Variants in MORN4 observed in about 807,000 individuals in gnomAD.
MORN4 encodes the protein MORN repeat-containing protein 4.
A neutral mutation model predicts 16.4 loss-of-function variants in MORN4; 8 were observed. That is an observed-to-expected ratio of 0.49 (90% CI 0.29 to 0.88). The LOEUF (loss-of-function observed/expected upper bound fraction) is 0.88, where lower values mean the gene tolerates loss of function less well. MORN4 is among the 40% of genes least tolerant of loss of function. The pLI is 0.09. For missense variants in MORN4, 159 were observed against 182.9 expected (o/e 0.87, Z 0.75); for synonymous variants, 53 against 68.9 (o/e 0.77, Z 1.14).
chr10:97,630,173 T>A (rs966575716), intron 1 of MORN4, among the ~76,000 whole-genome samples: 1 of 152,074 alleles, frequency 6.6e-6, no homozygotes, highest in Non-Finnish European at 1.5e-5. Flanking sequence ...GTGATCCGCC[T>A]GCCTCAGCCT....
At position 97,615,664 on chromosome 10, in the gene MORN4, G is replaced by C. The variant is rs960441507; in HGVS notation, c.*599C>G. 6.6e-6 allele frequency: 1 copy of C among 152,054 alleles called. No homozygotes were observed. Among genetic ancestry groups the C allele is most frequent in the South Asian group, 2.1e-4 (1 of 4,828 alleles). 9.4% of individuals were successfully genotyped at this position (152,054 alleles called of 1,614,324 possible). A position where few individuals can be genotyped will look rare whatever the true frequency, so the allele number is the denominator to read the frequency against. The stretch of plus-strand genomic sequence containing the variant: ...TGCTTGAACCTGGGAGGCAGAAGTT[G>C]CAGTGAGCTGAGATCATGCCACTGC... On this transcript the variant is annotated 3_prime_UTR_variant, in exon 5 of 5. Transcript: ENST00000307450.
At chr10:97,618,057 T>C (rs2041253300) in intron 2 of MORN4, among the ~76,000 whole-genome samples, 1 of 148,828 alleles carries the variant, frequency 6.7e-6, no homozygotes, top group Non-Finnish European at 1.5e-5. Context: ...CGCGCTCCTG[T>C]AACCCAGCTA....
chr10:97,634,057 G>A (rs1357311304), upstream of MORN4, among the ~76,000 whole-genome samples: 3 of 152,148 alleles, frequency 2.0e-5, no homozygotes, highest in Non-Finnish European at 2.9e-5. Context: ...GGGAGGCCGC[G>A]GCTTGAGCTC....
intron 1 of MORN4, among the ~76,000 whole-genome samples, chr10:97,630,837 G>A (rs1004536738): frequency 1.3e-5 from 2 of 152,078 alleles, no homozygotes; most frequent in African/African-American, 2.4e-5. Flanking sequence ...AGTCAGTGCC[G>A]ATGAAGACTG....
rs2041224610 is a variant in MORN4 at position 97,615,049 on chromosome 10, T to A, written c.*1214A>T. 1.3e-5 allele frequency: 2 copies of A among 152,126 alleles called. No homozygotes were observed. Among genetic ancestry groups the A allele is most frequent in the African/African-American group, 4.8e-5 (2 of 41,360 alleles). The allele number at this position is 152,126 out of a possible 1,614,324, so 9.4% of individuals were successfully genotyped here. A position where few individuals can be genotyped will look rare whatever the true frequency, so the allele number is the denominator to read the frequency against. ...TAATAAGATTACTGTTTACATGAGT[T>A]TTTTTCTTGATTGTCCCAAAAAGGG... On this transcript the variant is annotated 3_prime_UTR_variant, in exon 5 of 5. Coordinates refer to ENST00000307450, the MANE Select transcript of MORN4 (RefSeq NM_178832.4).
chr10:97,625,819 G>A (rs2041340948), intron 1 of MORN4, among the ~76,000 whole-genome samples: 1 of 152,158 alleles, frequency 6.6e-6, no homozygotes, highest in Non-Finnish European at 1.5e-5. Context: ...CCATGCTGGT[G>A]TGCAATCGCT....
intron 1 of MORN4, among the ~76,000 whole-genome samples, chr10:97,623,660 CT>C (rs1378921633): frequency 6.6e-6 from 1 of 152,114 alleles, no homozygotes; most frequent in African/African-American, 2.4e-5. Context: ...CTCCAATCCC[CT>C]CTTAGACTTC....
chr10:97,629,907 C>T lies in MORN4; in HGVS notation c.-31+3440G>A, dbSNP rs541071353. Among the ~76,000 whole-genome samples, 215 of 151,178 alleles carry T rather than the reference C, an allele frequency of 1.4e-3. 1 individual carries two copies. Among genetic ancestry groups the T allele is most frequent in the South Asian group, 5.2e-3 (25 of 4,764 alleles). ...CTGAGTAGCTGGGACTACAGGTGCT[C>T]GCCACCACGCCCAGCTAATTTTTTT... On this transcript the variant is annotated intron_variant, in intron 1 of 4. Coordinates refer to ENST00000307450, the MANE Select transcript of MORN4 (RefSeq NM_178832.4).
intron 2 of MORN4, among the ~76,000 whole-genome samples, chr10:97,618,258 C>CTTTTTTTTTTTT (rs1192502394): frequency 3.2e-5 from 3 of 92,828 alleles, no homozygotes; most frequent in Admixed American, 1.4e-4. Flanking sequence ...AGCCTCTCTT[C>CTTTTTTTTTTTT]TTTTTTTTTT....
At chr10:97,633,843 CCAGCTTCAGAGAGG>C, upstream of MORN4, among the ~76,000 whole-genome samples, 1 of 152,374 alleles carries the variant, frequency 6.6e-6, no homozygotes, top group East Asian at 1.9e-4. The surrounding 1 kb of genome is among the most constrained non-coding windows in gnomAD (Gnocchi z 4.5). Flanking sequence ...GATCCTAAAT[CCAGCTTCAGAGAGG>C]CAGCTTTGTA....
chr10:97,623,953 G>A (rs1350674272), intron 1 of MORN4, among the ~76,000 whole-genome samples: 1 of 151,970 alleles, frequency 6.6e-6, no homozygotes, highest in Non-Finnish European at 1.5e-5. Flanking sequence ...AGCCAGGATG[G>A]TCTCAATCTC....
chr10:97,617,837 C>G (rs1003177776), intron 2 of MORN4, among the ~76,000 whole-genome samples: 1 of 150,224 alleles, frequency 6.7e-6, no homozygotes, highest in Non-Finnish European at 1.5e-5. Context: ...TCCAGCCTGT[C>G]GACAGAGTGA....
chr10:97,626,238 G>A (rs565148599), intron 1 of MORN4, among the ~76,000 whole-genome samples: 4 of 151,722 alleles, frequency 2.6e-5, no homozygotes, highest in African/African-American at 7.2e-5. Flanking sequence ...TTAGCCAGGC[G>A]TGGTGGCACA....
chr10:97,617,289 G>A lies in MORN4; in HGVS notation c.101C>T (p.Ala34Val). Reference sequence around the variant, plus strand: ...ATGACCCAGGTAGGTGCCACCATCTGCAAACATCAGTTGACCAAAACCATG... The same window carrying A: ...ATGACCCAGGTAGGTGCCACCATCTACAAACATCAGTTGACCAAAACCATG... ...RRHGFGQLMF[A>V]DGGTYLGHFE... Residue 34 changes from alanine to valine, a missense_variant, in exon 3 of 5, where the codon GCA (alanine) becomes GTA (valine). Physicochemically the swap from Ala to Val is moderately conservative, Grantham distance 64. Transcript: ENST00000307450. The A allele has an allele frequency of 6.2e-7, 1 of 1,614,164 alleles. No homozygotes were observed. Among genetic ancestry groups the A allele is most frequent in the Non-Finnish European group, 8.5e-7 (1 of 1,180,012 alleles).
chr10:97,625,273 A>G (rs2041337102), intron 1 of MORN4, among the ~76,000 whole-genome samples: 1 of 152,210 alleles, frequency 6.6e-6, no homozygotes, highest in South Asian at 2.1e-4. Flanking sequence ...GTAGACTCTG[A>G]GCACAGGAGG....
intron 4 of MORN4, 114 bp downstream of exon 4, chr10:97,616,564 G>T (rs549722147): frequency 3.3e-6 from 4 of 1,225,524 alleles, no homozygotes; most frequent in South Asian, 1.4e-5. Context: ...ATGGATAGGT[G>T]TCAGGGACGG....
At chr10:97,625,785 G>A (rs888301448) in intron 1 of MORN4, among the ~76,000 whole-genome samples, 1 of 152,076 alleles carries the variant, frequency 6.6e-6, no homozygotes, top group African/African-American at 2.4e-5. Flanking sequence ...TGTTTTTTAA[G>A]GAGACAGTGT....
At chr10:97,617,418 C>G in intron 2 of MORN4, 96 bp from the exon 3 acceptor site, 1 of 907,698 alleles carries the variant, frequency 1.1e-6, no homozygotes, top group Middle Eastern at 2.6e-4. Context: ...TCACCCTACC[C>G]ACAAAGAAAA....
chr10:97,621,673 G>A (rs542435265), intron 1 of MORN4, among the ~76,000 whole-genome samples: 42 of 152,190 alleles, frequency 2.8e-4, no homozygotes, highest in African/African-American at 8.7e-4. Flanking sequence ...GAACCAGAAT[G>A]GCCAGCATGG....
Sources: allele counts gnomAD v4.1 joint callset (sites outside exome capture counted in the v4.1 genomes callset), GRCh38; gene constraint gnomAD v4.1.1; non-coding constraint Gnocchi (gnomAD v3.1); transcripts MANE v1.5; gene names NCBI Gene and HGNC (gene_info 2026-07-23, HGNC 2026-07-21).